OTOG: variants seen among roughly 807,000 people sequenced by gnomAD.
OTOG encodes otogelin.
In OTOG, 296 loss-of-function variants were observed where a neutral mutation model predicts 313.8. The observed-to-expected ratio is 0.94, with a 90% CI of 0.86 to 1.04. The LOEUF (loss-of-function observed/expected upper bound fraction) is 1.04. OTOG is among the 50% of genes least tolerant of loss of function. OTOG has a pLI of 0.00. For missense variants in OTOG, 3,948 were observed against 3,840.1 expected, an observed-to-expected ratio of 1.03 and a Z score of -0.74; for synonymous variants, 1,533 against 1,554.9, an observed-to-expected ratio of 0.99 and a Z score of 0.33.
intron 7 of OTOG, among the ~76,000 whole-genome samples, chr11:17,556,786 C>T (rs184382503): frequency 3.2e-4 from 49 of 152,292 alleles, no homozygotes; most frequent in African/African-American, 1.1e-3. Context: ...TTCCTCCTCT[C>T]TTGGCTTCTG....
intron 26 of OTOG, 42 bp from the exon 27 acceptor site, chr11:17,593,567 AG>A: frequency 1.3e-6 from 2 of 1,542,262 alleles, no homozygotes; most frequent in Non-Finnish European, 1.8e-6. Flanking sequence ...CCTGGGCGCT[AG>A]GGGGCACTTG....
rs533028031 is a variant in OTOG, at chr11:17,641,966, C to A, written c.8295+15C>A. 6 of 1,547,784 alleles carry A rather than the reference C, an allele frequency of 3.9e-6. No individual in the cohort carries two copies. The highest frequency in any genetic ancestry group is 5.2e-6 in the Non-Finnish European group (6 of 1,145,178). On this transcript the variant is annotated intron_variant, in intron 52 of 55. Coordinates refer to ENST00000399397, the MANE Select transcript of OTOG (RefSeq NM_001292063.2). ...CCCTGTTCTTGGTAAGCAGCCCCCT[C>A]GCTGCCCACTTAGGAGGGTGTCCCA...
intron 35 of OTOG, 82 bp downstream of exon 35, chr11:17,609,291 TC>T: frequency 7.9e-7 from 1 of 1,264,968 alleles, no homozygotes; most frequent in Non-Finnish European, 1.1e-6. Context: ...GCCTCAAAGC[TC>T]CCAGGTCCCA....
Position 17,635,087 on chromosome 11 carries a change from C to T in OTOG, c.7593C>T (p.Asp2531=). ...SCCPSYSCEC[D]PDLCEAELVP... The stretch of plus-strand genomic sequence containing the variant: ...ATTCAGCCTTTTCCCCAGAGTGTGA[C>T]CCAGATCTCTGTGAGGCAGAGCTGG... The change falls in exon 46 of 56, where the codon GAC becomes GAT. Residue 2531 remains aspartate, a synonymous_variant. Coordinates refer to ENST00000399397, the MANE Select transcript of OTOG (RefSeq NM_001292063.2). 1.3e-6 allele frequency: 2 copies of T among 1,548,806 alleles called. No homozygotes were observed. Among genetic ancestry groups the T allele is most frequent in the Non-Finnish European group, 1.7e-6 (2 of 1,146,130 alleles).
intron 3 of OTOG, among the ~76,000 whole-genome samples, chr11:17,551,065 T>TA (rs147800111): frequency 0.086 from 13,153 of 152,230 alleles, 740 homozygotes; most frequent in Middle Eastern, 0.27. Flanking sequence ...GTTTGTGGCT[T>TA]GTTGGCCCTA....
intron 30 of OTOG, among the ~76,000 whole-genome samples, chr11:17,599,302 G>A (rs1042633500): frequency 6.6e-6 from 1 of 152,108 alleles, no homozygotes; most frequent in South Asian, 2.1e-4. Context: ...CATTCCTCTG[G>A]GGGCCTTCCG....
At chr11:17,629,594 C>T (rs1377069694) in intron 40 of OTOG, among the ~76,000 whole-genome samples, 1 of 152,180 alleles carries the variant, frequency 6.6e-6, no homozygotes, top group Non-Finnish European at 1.5e-5. Context: ...TAATCCTTTC[C>T]ATCTGCATGA....
rs546310730 is a variant in OTOG, at chr11:17,610,594, T to A, written c.5294T>A (p.Leu1765Gln). ...ACCATGGCCACCAGGTCTCCAGCTC[T>A]GCCCCCAGAGACCCCAGCTGCCGCC... The part of the protein sequence containing the change: ...HTTMATRSPA[L>Q]PPETPAAASL... Residue 1765 changes from leucine to glutamine, a missense_variant, in exon 36 of 56, where the codon CTG (leucine) becomes CAG (glutamine). Transcript: ENST00000399397. 6 of 1,550,534 alleles carry A rather than the reference T, an allele frequency of 3.9e-6. No individual in the cohort carries two copies. The African/African-American group carries it at 6.8e-5, about 18-fold the overall frequency.
At position 17,552,035 on chromosome 11, in the gene OTOG, C is replaced by CT; in HGVS notation, c.253dup (p.Trp85LeufsTer31). On this transcript the variant is annotated frameshift_variant, in exon 4 of 56. Transcript: ENST00000399397. LOFTEE classifies it high-confidence loss of function. Reference sequence around the variant, plus strand: ...CCCCAGACTCCGTGGCCATGTCTTCCTGGGAAAGGCGGCTCCATCGGGCCA... The same window carrying CT: ...CCCCAGACTCCGTGGCCATGTCTTCCTTGGGAAAGGCGGCTCCATCGGGCCA... 1 of 1,550,534 alleles carries CT rather than the reference C, an allele frequency of 6.4e-7. No individual in the cohort carries two copies. Among genetic ancestry groups the CT allele is most frequent in the East Asian group, 2.4e-5 (1 of 40,918 alleles).
At chr11:17,585,804 T>G (rs1852780357) in intron 23 of OTOG, among the ~76,000 whole-genome samples, 1 of 152,224 alleles carries the variant, frequency 6.6e-6, no homozygotes, top group Non-Finnish European at 1.5e-5. Flanking sequence ...TAGCACCCTT[T>G]CTTTTCACCT....
At chr11:17,621,673 T>C (rs1262400810) in intron 39 of OTOG, among the ~76,000 whole-genome samples, 1 of 152,196 alleles carries the variant, frequency 6.6e-6, no homozygotes, top group Non-Finnish European at 1.5e-5. Context: ...TCTTGTCTTC[T>C]AAACTCTAGG....
intron 39 of OTOG, among the ~76,000 whole-genome samples, chr11:17,614,017 C>T (rs1192158379): frequency 1.3e-5 from 2 of 152,106 alleles, no homozygotes; most frequent in Non-Finnish European, 2.9e-5. Context: ...TTGCAATTTT[C>T]ACAAAAACCT....
chr11:17,569,123 A>T (rs1440298659), intron 15 of OTOG, 33 bp from the exon 16 acceptor site: 22 of 1,550,050 alleles, frequency 1.4e-5, no homozygotes, highest in Non-Finnish European at 1.7e-5. Flanking sequence ...GGGTCAGACC[A>T]ACACTGCCCC....
At chr11:17,548,416 C>CTTTTTTTTTT (rs1565085438) in intron 3 of OTOG, among the ~76,000 whole-genome samples, 2 of 89,600 alleles carry the variant, frequency 2.2e-5, no homozygotes, top group African/African-American at 8.8e-5. Context: ...CTATAGTCCA[C>CTTTTTTTTTT]TCTTTTTTTT....
At chr11:17,594,692 G>A (rs1398577750) in intron 28 of OTOG, among the ~76,000 whole-genome samples, 29 of 152,362 alleles carry the variant, frequency 1.9e-4, no homozygotes, top group Non-Finnish European at 1.5e-5. Context: ...TCTGCGAGAT[G>A]TCTAACTGAG....
rs778500810 is a variant in OTOG at position 17,635,232 on chromosome 11, G to A, written c.7693+45G>A. ...CGCCAGCGCACACAGCCTGATCACA[G>A]TCCGCCGGCCTCACCCCTGTGTCCT... On this transcript the variant is annotated intron_variant, in intron 46 of 55. Coordinates refer to ENST00000399397, the MANE Select transcript of OTOG (RefSeq NM_001292063.2). 96 of 1,464,960 alleles carry A rather than the reference G, an allele frequency of 6.6e-5. No homozygotes were observed. In the Middle Eastern group the frequency reaches 1.2e-3, roughly 18 times the overall value. The allele number at this position is 1,464,960 out of a possible 1,614,324, so 90.7% of individuals were successfully genotyped here.
intron 15 of OTOG, among the ~76,000 whole-genome samples, chr11:17,568,033 G>T (rs146965786): frequency 1.1e-4 from 16 of 152,084 alleles, no homozygotes; most frequent in Admixed American, 6.5e-4. Context: ...TCAGCCTCCC[G>T]AGTAACTGGG....
rs1401646180 is a variant in OTOG at position 17,613,195 on chromosome 11, T to TTTC, written c.6439-415_6439-414insCTT. On this transcript the variant is annotated intron_variant, in intron 38 of 55. Transcript: ENST00000399397. The stretch of plus-strand genomic sequence containing the variant: ...TTTTCTTTCTTTCTTTCTTTCTTTC[T>TTTC]TTTCTTTCTTTCTTTCTTTCTTTCT... Among the ~76,000 whole-genome samples, 419 of 65,346 alleles carry TTTC rather than the reference T, an allele frequency of 6.4e-3. 10 individuals carry two copies. Among genetic ancestry groups the TTTC allele is most frequent in the Middle Eastern group, 0.014 (2 of 140 alleles). The allele number at this position is 65,346 out of a possible 152,430, so 42.9% of individuals were successfully genotyped here.
intron 22 of OTOG, among the ~76,000 whole-genome samples, chr11:17,577,122 C>T (rs1852547588): frequency 6.6e-6 from 1 of 152,252 alleles, no homozygotes; most frequent in Non-Finnish European, 1.5e-5. Flanking sequence ...TAGTGGCTGT[C>T]TCTGCTGCCT....
Sources: allele counts gnomAD v4.1 joint callset (sites outside exome capture counted in the v4.1 genomes callset), GRCh38; gene constraint gnomAD v4.1.1; transcripts MANE v1.5; gene names NCBI Gene and HGNC (gene_info 2026-07-23, HGNC 2026-07-21).